Variants in NEDD9 observed in about 807,000 individuals in gnomAD.
NEDD9 encodes the protein enhancer of filamentation 1.
NEDD9 carries 26 observed loss-of-function variants against 76.6 expected under a neutral mutation model. The ratio of observed to expected loss-of-function variants is 0.34; its 90% CI spans 0.25 to 0.47. NEDD9 has a LOEUF of 0.47. Among genes scored for constraint, NEDD9 ranks in the 20% least tolerant of loss-of-function variants. The probability of loss-of-function intolerance (pLI) is 1.00; values close to 1 mark genes in which losing one functional copy is unlikely to be tolerated. For missense variants in NEDD9, 937 were observed against 1,058.5 expected (o/e 0.89, Z 1.59); for synonymous variants, 392 against 414.2 (o/e 0.95, Z 0.65).
chr6:11,323,150 T>C (rs1761848465), intron 2 of NEDD9, among the ~76,000 whole-genome samples: 1 of 152,230 alleles, frequency 6.6e-6, no homozygotes, highest in South Asian at 2.1e-4. Flanking sequence ...AAAGGGACGG[T>C]GAGCTCACAA....
intron 3 of NEDD9, among the ~76,000 whole-genome samples, chr6:11,248,611 C>G (rs998919444): frequency 1.3e-5 from 2 of 152,222 alleles, no homozygotes; most frequent in African/African-American, 4.8e-5. Context: ...GCTGGCTGCT[C>G]AGGGTCCTGG....
chr6:11,236,480 C>T (rs1045575415), upstream of NEDD9, among the ~76,000 whole-genome samples: 3 of 152,156 alleles, frequency 2.0e-5, no homozygotes, highest in Non-Finnish European at 2.9e-5. This position sits in a 1 kb window ranked among gnomAD's most constrained non-coding sequence, Gnocchi z 5.5. Context: ...TGGAATGAAC[C>T]CACGTGACTG....
intron 1 of NEDD9, among the ~76,000 whole-genome samples, chr6:11,226,263 T>G (rs9942490): frequency 0.14 from 21,766 of 152,036 alleles, 3,840 homozygotes; most frequent in African/African-American, 0.41. Flanking sequence ...GGGTTTTTTT[T>G]TGTGTGTGTG....
Position 11,375,183 on chromosome 6 carries a change from A to G in NEDD9, c.-214+6956T>C, listed in dbSNP as rs1044135278. Among the ~76,000 whole-genome samples, 41 of 152,242 alleles carry G rather than the reference A, an allele frequency of 2.7e-4. 1 individual carries two copies. Among genetic ancestry groups the G allele is most frequent in the Admixed American group, 2.0e-4 (3 of 15,284 alleles). ...TGATAGACTGTCATACATTCATGCA[A>G]TAGGATACTATACAGCTGTGAAAAT... On this transcript the variant is annotated intron_variant, in intron 1 of 3. Transcript: ENST00000397378.
chr6:11,224,056 G>A (rs1318904653), intron 1 of NEDD9, among the ~76,000 whole-genome samples: 2 of 152,014 alleles, frequency 1.3e-5, no homozygotes, highest in Admixed American at 1.3e-4. Context: ...CATTTTTTTG[G>A]TTTGTAAAAC....
chr6:11,224,940 C>A (rs1759261290), intron 1 of NEDD9, among the ~76,000 whole-genome samples: 1 of 152,142 alleles, frequency 6.6e-6, no homozygotes, highest in African/African-American at 2.4e-5. Flanking sequence ...GTGTTTCTGC[C>A]TGACCAATAA....
At chr6:11,325,510 G>A (rs893624875) in intron 2 of NEDD9, among the ~76,000 whole-genome samples, 1 of 152,078 alleles carries the variant, frequency 6.6e-6, no homozygotes, top group Non-Finnish European at 1.5e-5. Context: ...TTATATTTTC[G>A]TTTAAAGCTG....
At chr6:11,346,734 G>C (rs1762373010) in intron 1 of NEDD9, among the ~76,000 whole-genome samples, 1 of 152,136 alleles carries the variant, frequency 6.6e-6, no homozygotes, top group South Asian at 2.1e-4. Flanking sequence ...GACTTGCTTT[G>C]ATCACTCAGC....
At chr6:11,319,449 T>C (rs1278241244) in intron 2 of NEDD9, among the ~76,000 whole-genome samples, 1 of 144,102 alleles carries the variant, frequency 6.9e-6, no homozygotes, top group African/African-American at 2.6e-5. Flanking sequence ...CACTAACATG[T>C]ACACACACAC....
chr6:11,274,458 C>T (rs970908076), intron 3 of NEDD9, among the ~76,000 whole-genome samples: 1 of 152,194 alleles, frequency 6.6e-6, no homozygotes, highest in Non-Finnish European at 1.5e-5. Context: ...CTTGGTTTCT[C>T]ACAAGCACCC....
chr6:11,334,925 T>C (rs1762121805), intron 1 of NEDD9, among the ~76,000 whole-genome samples: 1 of 152,192 alleles, frequency 6.6e-6, no homozygotes, highest in Admixed American at 6.5e-5. Flanking sequence ...ACGAGAGCCT[T>C]AAAGATGAGG....
intron 2 of NEDD9, among the ~76,000 whole-genome samples, chr6:11,334,253 GAA>G (rs1272868371): frequency 6.6e-6 from 1 of 152,164 alleles, no homozygotes; most frequent in Admixed American, 6.5e-5. Context: ...ACATTAATAA[GAA>G]TGCTTATTTC....
intron 3 of NEDD9, among the ~76,000 whole-genome samples, chr6:11,280,998 C>T (rs752814933): frequency 7.9e-5 from 12 of 152,214 alleles, no homozygotes; most frequent in Admixed American, 1.3e-4. Context: ...ACAGATTCTA[C>T]GACATGCATA....
At chr6:11,193,724 TCCAAG>T in intron 2 of NEDD9, 32 bp from the exon 3 acceptor site, 1 of 1,534,326 alleles carries the variant, frequency 6.5e-7, no homozygotes, top group Non-Finnish European at 9.0e-7. Flanking sequence ...GGTGTAAATT[TCCAAG>T]CCTGAGTCCT....
chr6:11,192,306 C>T, intron 4 of NEDD9, 39 bp downstream of exon 4: 2 of 923,416 alleles, frequency 2.2e-6, no homozygotes, highest in East Asian at 3.2e-5. Flanking sequence ...CAGACACACA[C>T]ACACACTCCT....
intron 1 of NEDD9, among the ~76,000 whole-genome samples, chr6:11,349,642 C>T (rs149305030): frequency 4.3e-4 from 65 of 152,268 alleles, no homozygotes; most frequent in African/African-American, 1.5e-3. Context: ...GAATTGGAAG[C>T]CATTATCCTC....
upstream of NEDD9, among the ~76,000 whole-genome samples, chr6:11,237,066 T>C (rs1262797994): frequency 2.0e-5 from 3 of 152,134 alleles, no homozygotes; most frequent in Non-Finnish European, 4.4e-5. This position sits in a 1 kb window ranked among gnomAD's most constrained non-coding sequence, Gnocchi z 4.9. Flanking sequence ...AAGTTTGGCC[T>C]CAACACTAAC....
chr6:11,227,496 A>G (rs1222527026), intron 1 of NEDD9, among the ~76,000 whole-genome samples: 2 of 152,230 alleles, frequency 1.3e-5, no homozygotes, highest in Admixed American at 6.5e-5. Context: ...GTCCAGAGCT[A>G]TAAGCCATAA....
At position 11,184,993 on chromosome 6, in the gene NEDD9, C is replaced by T; in HGVS notation, c.*169G>A. 1 of 835,012 alleles carries T rather than the reference C, an allele frequency of 1.2e-6. No homozygotes were observed. The highest frequency in any genetic ancestry group is 1.8e-6 in the Non-Finnish European group (1 of 567,684). The allele number at this position is 835,012 out of a possible 1,614,324, so 51.7% of individuals were successfully genotyped here. A position where few individuals can be genotyped will look rare whatever the true frequency, so the allele number is the denominator to read the frequency against. Reference sequence around the variant, plus strand: ...ACTCAGGGGGAAAAAAAAAGATTTCCCTCTCCAGCTCCCTGAATTTCTGAA... The same window carrying T: ...ACTCAGGGGGAAAAAAAAAGATTTCTCTCTCCAGCTCCCTGAATTTCTGAA... On this transcript the variant is annotated 3_prime_UTR_variant, in exon 7 of 7. Coordinates refer to ENST00000379446, the MANE Select transcript of NEDD9 (RefSeq NM_006403.4).
Sources: allele counts gnomAD v4.1 joint callset (sites outside exome capture counted in the v4.1 genomes callset), GRCh38; gene constraint gnomAD v4.1.1; non-coding constraint Gnocchi (gnomAD v3.1); transcripts MANE v1.5; gene names NCBI Gene and HGNC (gene_info 2026-07-23, HGNC 2026-07-21).